The following SLC24A3 variants were observed in gnomAD, a reference collection of about 807,000 sequenced individuals.
The protein encoded by SLC24A3 is solute carrier family 24 member 3.
In SLC24A3, 28 loss-of-function variants were observed where a neutral mutation model predicts 75.8. That is an observed-to-expected ratio of 0.37 (90% confidence interval 0.27 to 0.51). The LOEUF (loss-of-function observed/expected upper bound fraction) is 0.51, where lower values mean the gene tolerates loss of function less well. Ranked by LOEUF, SLC24A3 falls within the 20% of genes least tolerant of loss-of-function variation. The probability of loss-of-function intolerance (pLI) is 0.94; values close to 1 mark genes in which losing one functional copy is unlikely to be tolerated. For missense variants in SLC24A3, 663 were observed against 847.8 expected (o/e 0.78, Z 2.71); for synonymous variants, 372 against 334.1 (o/e 1.11, Z -1.24).
At position 19,343,326 on chromosome 20, in the gene SLC24A3, C is replaced by G. The variant is rs538277767; in HGVS notation, c.271+62239C>G. ...GGCTTTACCATTTCAATTGTGTGAC[C>G]TTGGGCAAGTCAGTTTACATCACCT... On this transcript the variant is annotated intron_variant, in intron 2 of 16. Transcript: ENST00000328041. 2.6e-5 allele frequency among the ~76,000 whole-genome samples: 4 copies of G among 152,084 alleles called. No homozygotes were observed. In the East Asian group the frequency reaches 7.8e-4, roughly 30 times the overall value.
In SLC24A3 at chr20:19,665,875, T is replaced by C. The variant is rs563520540; in HGVS notation, c.699T>C (p.Asp233=). The part of the protein sequence containing the change: ...SVIALIVFIY[D]EKVSWWESLV... ...TTATTTTTTCACAGTTTATTTATGA[T>C]GAAAAAGTTTCCTGGTAAGTACCTC... The change falls in exon 8 of 17, where the codon GAT becomes GAC. Residue 233 remains aspartate (D), a synonymous_variant. Transcript: ENST00000328041. 1 of 1,610,500 alleles carries C rather than the reference T, an allele frequency of 6.2e-7. No homozygotes were observed. Among genetic ancestry groups the C allele is most frequent in the Admixed American group, 1.7e-5 (1 of 59,864 alleles).
chr20:19,325,812 AGAGAGAGAGAGAGAGAGAGAGAGAGAGG>A (rs1568589923), intron 2 of SLC24A3, among the ~76,000 whole-genome samples: 6 of 109,978 alleles, frequency 5.5e-5, no homozygotes, highest in East Asian at 2.3e-4. Flanking sequence ...AGAGAGAGAG[AGAGAGAGAGAGAGAGAGAGAGAGAGAGG>A]GAGACATCTG....
chr20:19,323,094 T>C (rs1471891706), intron 2 of SLC24A3, among the ~76,000 whole-genome samples: 2 of 149,968 alleles, frequency 1.3e-5, no homozygotes, highest in Non-Finnish European at 3.0e-5. Context: ...TAGTCCCAGC[T>C]ACTCGGGAGG....
chr20:19,476,583 AG>A (rs1312114939), intron 2 of SLC24A3, among the ~76,000 whole-genome samples: 3 of 152,234 alleles, frequency 2.0e-5, no homozygotes, highest in Non-Finnish European at 4.4e-5. Flanking sequence ...GCCACAGACT[AG>A]GAGAAAAATC....
At chr20:19,509,512 C>T (rs1360320252) in intron 2 of SLC24A3, among the ~76,000 whole-genome samples, 2 of 152,236 alleles carry the variant, frequency 1.3e-5, no homozygotes, top group South Asian at 2.1e-4. Flanking sequence ...TGTCCGCATA[C>T]ACTCTTTTCT....
chr20:19,665,950 G>A, intron 8 of SLC24A3, 61 bp downstream of exon 8: 2 of 1,554,128 alleles, frequency 1.3e-6, no homozygotes, highest in South Asian at 2.3e-5. Context: ...CAAATATATT[G>A]AAGACCAGTG....
intron 3 of SLC24A3, among the ~76,000 whole-genome samples, chr20:19,560,164 G>A (rs550946964): frequency 7.9e-5 from 12 of 152,230 alleles, no homozygotes; most frequent in Admixed American, 7.9e-4. Context: ...AGAGAAATGA[G>A]ACGGAAAAAG....
intron 2 of SLC24A3, among the ~76,000 whole-genome samples, chr20:19,392,302 A>C (rs1986380575): frequency 6.6e-6 from 1 of 152,192 alleles, no homozygotes; most frequent in African/African-American, 2.4e-5. Flanking sequence ...ACGGAGGGAC[A>C]TAATTCATTC....
At chr20:19,325,331 A>G (rs1419167318) in intron 2 of SLC24A3, among the ~76,000 whole-genome samples, 2 of 151,984 alleles carry the variant, frequency 1.3e-5, no homozygotes, top group East Asian at 3.9e-4. Flanking sequence ...CTGTAGTCCC[A>G]GCTACTGGTG....
At chr20:19,612,264 G>C (rs2031680459) in intron 6 of SLC24A3, among the ~76,000 whole-genome samples, 1 of 152,164 alleles carries the variant, frequency 6.6e-6, no homozygotes, top group Non-Finnish European at 1.5e-5. Context: ...AAAGCTAACA[G>C]GAAATCCTGT....
intron 3 of SLC24A3, among the ~76,000 whole-genome samples, chr20:19,538,738 C>T (rs2030445057): frequency 6.6e-6 from 1 of 152,186 alleles, no homozygotes; most frequent in Admixed American, 6.5e-5. Flanking sequence ...TGAACATATG[C>T]ATGCTCCCTG....
At chr20:19,719,477 A>G (rs1309448119) in intron 16 of SLC24A3, among the ~76,000 whole-genome samples, 1 of 151,896 alleles carries the variant, frequency 6.6e-6, no homozygotes, top group Non-Finnish European at 1.5e-5. Context: ...AGTTGACCTC[A>G]CTGCCAGGAG....
At chr20:19,585,201 A>G in intron 5 of SLC24A3, 146 bp downstream of exon 5, 2 of 784,446 alleles carry the variant, frequency 2.5e-6, no homozygotes, top group Non-Finnish European at 4.1e-6. Flanking sequence ...TCAGCCTCCC[A>G]TCTGCCGTTG....
intron 3 of SLC24A3, among the ~76,000 whole-genome samples, chr20:19,558,900 G>T (rs1285065278): frequency 6.6e-6 from 1 of 152,148 alleles, no homozygotes; most frequent in Non-Finnish European, 1.5e-5. Flanking sequence ...TAAACATCTG[G>T]ATTGCTCCTG....
intron 2 of SLC24A3, among the ~76,000 whole-genome samples, chr20:19,367,044 A>T (rs2122350548): frequency 6.6e-6 from 1 of 152,384 alleles, no homozygotes; most frequent in African/African-American, 2.4e-5. Flanking sequence ...TCCTATTGGT[A>T]CAACAGCCAC....
intron 1 of SLC24A3, chr20:19,265,797 G>A (rs1983148586): frequency 6.5e-6 from 1 of 152,888 alleles, no homozygotes; most frequent in African/African-American, 2.4e-5. Context: ...AAGGTCACTG[G>A]GACAGAGTGG....
intron 2 of SLC24A3, among the ~76,000 whole-genome samples, chr20:19,354,046 A>T (rs557468214): frequency 6.6e-6 from 1 of 152,308 alleles, no homozygotes; most frequent in Non-Finnish European, 1.5e-5. Flanking sequence ...CAAACTAGAA[A>T]AATCCAGATG....
chr20:19,428,918 A>G (rs898331948), intron 2 of SLC24A3, among the ~76,000 whole-genome samples: 6 of 152,228 alleles, frequency 3.9e-5, no homozygotes, highest in African/African-American at 1.2e-4. Flanking sequence ...GGATATGGCA[A>G]ATGTGTAATA....
At chr20:19,393,354 A>G (rs1036583120) in intron 2 of SLC24A3, among the ~76,000 whole-genome samples, 1 of 152,166 alleles carries the variant, frequency 6.6e-6, no homozygotes, top group African/African-American at 2.4e-5. Flanking sequence ...TGGTTTGCTC[A>G]ACATACCACT....
Sources: allele counts gnomAD v4.1 joint callset (sites outside exome capture counted in the v4.1 genomes callset), GRCh38; gene constraint gnomAD v4.1.1; transcripts MANE v1.5; gene names NCBI Gene and HGNC (gene_info 2026-07-23, HGNC 2026-07-21).